The following CNGB1 variants were observed in gnomAD, a reference collection of about 807,000 sequenced individuals.
CNGB1 encodes cyclic nucleotide-gated channel beta-1.
Under a neutral mutation model 151.7 loss-of-function variants are expected in CNGB1, and 126 were observed. The ratio of observed to expected loss-of-function variants is 0.83; its 90% CI spans 0.72 to 0.96. The LOEUF (loss-of-function observed/expected upper bound fraction) is 0.96. Among genes scored for constraint, CNGB1 ranks in the 40% least tolerant of loss-of-function variants. CNGB1 has a pLI of 0.00. For synonymous variants in CNGB1, 623 were observed against 635.1 expected, an observed-to-expected ratio of 0.98 and a Z score of 0.29; for missense variants, 1,698 against 1,627.0, an observed-to-expected ratio of 1.04 and a Z score of -0.75.
chr16:57,960,422 T>C, intron 9 of CNGB1, 60 bp downstream of exon 9: 1 of 1,580,094 alleles, frequency 6.3e-7, no homozygotes, highest in Non-Finnish European at 8.7e-7. Context: ...GCCCAGTTGA[T>C]CCCTGAGCCC....
chr16:57,886,129 C>T (rs1267358624), intron 32 of CNGB1, among the ~76,000 whole-genome samples: 1 of 152,116 alleles, frequency 6.6e-6, no homozygotes, highest in Non-Finnish European at 1.5e-5. Flanking sequence ...TGAGGGGCTT[C>T]CTGGGTCATG....
chr16:57,903,713 G>C, intron 27 of CNGB1, 109 bp downstream of exon 27: 1 of 1,326,574 alleles, frequency 7.5e-7, no homozygotes, highest in East Asian at 2.4e-5. Flanking sequence ...CAGTACTCGG[G>C]ACCTCAGAGA....
intron 2 of CNGB1, among the ~76,000 whole-genome samples, chr16:57,966,177 G>T (rs1962394742): frequency 6.6e-6 from 1 of 152,126 alleles, no homozygotes; most frequent in Non-Finnish European, 1.5e-5. Flanking sequence ...CCATAGTTTG[G>T]TCTGACACAC....
intron 12 of CNGB1, 119 bp from the exon 13 acceptor site, chr16:57,950,659 T>A: frequency 9.8e-7 from 1 of 1,023,062 alleles, no homozygotes; most frequent in Non-Finnish European, 1.5e-6. Context: ...CAGTGCTTAG[T>A]CATGCAGTGG....
At chr16:57,902,814 T>C (rs1273475913) in intron 27 of CNGB1, among the ~76,000 whole-genome samples, 6 of 149,412 alleles carry the variant, frequency 4.0e-5, no homozygotes, top group Admixed American at 2.7e-4. Context: ...GGTTTCACCA[T>C]GTTGGCCAGG....
chr16:57,931,738 T>C lies in CNGB1; in HGVS notation c.1513A>G (p.Ser505Gly). ...AACCTGTGTGTCCCCGAGGCTGAGC[T>C]TGGGACTATAAGGGTGTCTGATTTG... ...PAKSDTLIVP[S>G]SASGTHRKKL... The change falls in exon 17 of 33, where the codon AGC becomes GGC. Residue 505 changes from serine to glycine, a missense_variant. Physicochemically the swap from Ser to Gly is moderately conservative, Grantham distance 56 (BLOSUM62 0). Coordinates refer to ENST00000251102, the MANE Select transcript of CNGB1 (RefSeq NM_001297.5). 6.2e-7 allele frequency: 1 copy of C among 1,614,134 alleles called. No homozygotes were observed. Among genetic ancestry groups the C allele is most frequent in the Non-Finnish European group, 8.5e-7 (1 of 1,180,022 alleles).
chr16:57,935,549 G>A (rs548620769), intron 16 of CNGB1, among the ~76,000 whole-genome samples: 8 of 152,042 alleles, frequency 5.3e-5, no homozygotes, highest in African/African-American at 1.9e-4. Flanking sequence ...GAAAGGTGGT[G>A]CACACCTGTG....
chr16:57,884,601 G>T, intron 32 of CNGB1, 144 bp from the exon 33 acceptor site: 1 of 831,032 alleles, frequency 1.2e-6, no homozygotes. Context: ...TGGGTGGGGT[G>T]GAGCCGCATC....
At chr16:57,953,188 C>T (rs1962000590) in intron 12 of CNGB1, among the ~76,000 whole-genome samples, 1 of 152,184 alleles carries the variant, frequency 6.6e-6, no homozygotes, top group Admixed American at 6.5e-5. Context: ...GAGGTTCTGA[C>T]CCTGGCCAGT....
At chr16:57,950,264 A>C in intron 13 of CNGB1, 117 bp downstream of exon 13, 1 of 1,232,132 alleles carries the variant, frequency 8.1e-7, no homozygotes, top group African/African-American at 1.5e-5. Flanking sequence ...GTATGAAGGC[A>C]GGGGGAAGCA....
intron 31 of CNGB1, among the ~76,000 whole-genome samples, chr16:57,890,914 C>G (rs568040056): frequency 2.8e-4 from 43 of 152,252 alleles, no homozygotes; most frequent in Admixed American, 2.0e-4. Flanking sequence ...CCCACGCCCC[C>G]CCATGTTGCT....
At chr16:57,911,668 C>G (rs1960715536) in intron 25 of CNGB1, 85 bp downstream of exon 25, 8 of 1,585,732 alleles carry the variant, frequency 5.0e-6, no homozygotes, top group Non-Finnish European at 6.9e-6. Flanking sequence ...AGCAATAAGA[C>G]TCCTTCCTGG....
intron 27 of CNGB1, among the ~76,000 whole-genome samples, chr16:57,902,138 T>G (rs1300294835): frequency 2.0e-5 from 3 of 152,038 alleles, no homozygotes; most frequent in Non-Finnish European, 4.4e-5. Flanking sequence ...TGGCATGATT[T>G]TGGTTCACTG....
intron 1 of CNGB1, among the ~76,000 whole-genome samples, chr16:57,967,554 G>A (rs1962431636): frequency 6.6e-6 from 1 of 152,072 alleles, no homozygotes; most frequent in Admixed American, 6.6e-5. Flanking sequence ...AAATTAGCCA[G>A]GTGTAGTGGC....
intron 27 of CNGB1, 99 bp from the exon 28 acceptor site, chr16:57,901,724 C>T: frequency 4.4e-6 from 4 of 914,612 alleles, no homozygotes; most frequent in African/African-American, 3.3e-5. Flanking sequence ...CAGGGCACAC[C>T]ATTGCCCTGC....
At position 57,932,015 on chromosome 16, in the gene CNGB1, A is replaced by G. The variant is rs1423403847; in HGVS notation, c.1373-137T>C. The G allele has an allele frequency of 1.3e-5, 12 of 957,662 alleles. No homozygotes were observed. The East Asian group carries it at 3.1e-4, about 25-fold the overall frequency. 59.3% of individuals were successfully genotyped at this position (957,662 alleles called of 1,614,324 possible). A position where few individuals can be genotyped will look rare whatever the true frequency, so the allele number is the denominator to read the frequency against. On this transcript the variant is annotated intron_variant, in intron 16 of 32. Coordinates refer to ENST00000251102, the MANE Select transcript of CNGB1 (RefSeq NM_001297.5). ...ATAGCTTCACTTCCCAATGGGGCAC[A>G]CAGAAAAGCTCCATGCAGGGGGTAC...
At chr16:57,964,335 A>C in intron 3 of CNGB1, 133 bp from the exon 4 acceptor site, 1 of 1,355,998 alleles carries the variant, frequency 7.4e-7, no homozygotes, top group South Asian at 1.2e-5. Flanking sequence ...GCTCAGCTCA[A>C]CTGAAGTCTC....
rs1555489836 is a variant in CNGB1, at chr16:57,917,597, A to AAT, written c.1958-122_1958-121insAT. 301 of 724,596 alleles carry AAT rather than the reference A, an allele frequency of 4.2e-4. 1 individual carries two copies. Among genetic ancestry groups the AAT allele is most frequent in the Non-Finnish European group, 1.5e-4 (59 of 406,246 alleles). The allele number at this position is 724,596 out of a possible 1,614,324, so 44.9% of individuals were successfully genotyped here. A position where few individuals can be genotyped will look rare whatever the true frequency, so the allele number is the denominator to read the frequency against. ...CTACTACATGTGGCACTTTTGTAAG[A>AAT]GTGTGTGTATGTGTGTGTGTGTGTA... On this transcript the variant is annotated intron_variant, in intron 20 of 32. Coordinates refer to ENST00000251102, the MANE Select transcript of CNGB1 (RefSeq NM_001297.5).
Position 57,959,992 on chromosome 16 carries a change from G to T in CNGB1, c.657C>A (p.Ile219=), listed in dbSNP as rs749813964. 3.8e-6 allele frequency: 6 copies of T among 1,588,644 alleles called. No homozygotes were observed. In the Admixed American group the frequency reaches 1.1e-4, roughly 28 times the overall value. The part of the protein sequence containing the change: ...ARETPSLPTP[I]PLQPKEEPKE... ...TGGGTTCCTCCTTGGGCTGCAGGGG[G>T]ATGGGTGTGGGCAGGGAGGGGGTCT... Residue 219 remains isoleucine, a synonymous_variant, in exon 10 of 33, where the codon ATC becomes ATA. Coordinates refer to ENST00000251102, the MANE Select transcript of CNGB1 (RefSeq NM_001297.5).
Sources: allele counts gnomAD v4.1 joint callset (sites outside exome capture counted in the v4.1 genomes callset), GRCh38; gene constraint gnomAD v4.1.1; transcripts MANE v1.5; gene names NCBI Gene and HGNC (gene_info 2026-07-23, HGNC 2026-07-21).